The following ZNF184 variants were observed in gnomAD, a reference collection of about 807,000 sequenced individuals.
ZNF184 encodes the protein zinc finger protein 184, also known as zinc finger protein 184 (Kruppel-like).
Under a neutral mutation model 54.4 loss-of-function variants are expected in ZNF184, and 16 were observed. The ratio of observed to expected loss-of-function variants is 0.29; its 90% CI spans 0.20 to 0.45. The LOEUF (loss-of-function observed/expected upper bound fraction) is 0.45. Among genes scored for constraint, ZNF184 ranks in the 20% least tolerant of loss-of-function variants. The probability of loss-of-function intolerance (pLI) is 1.00; values close to 1 mark genes in which losing one functional copy is unlikely to be tolerated. For missense variants in ZNF184, 681 were observed against 888.2 expected, an observed-to-expected ratio of 0.77 and a Z score of 2.97; for synonymous variants, 254 against 295.3, an observed-to-expected ratio of 0.86 and a Z score of 1.43.
At chr6:27,446,284 A>G (rs1316112927), downstream of ZNF184, among the ~76,000 whole-genome samples, 5 of 152,128 alleles carry the variant, frequency 3.3e-5, no homozygotes, top group Non-Finnish European at 2.9e-5. Context: ...GGCCCAAGGC[A>G]CCCTCCATGG....
chr6:27,432,379 T>G, the ZNF184 span, among the ~76,000 whole-genome samples: 1 of 152,210 alleles, frequency 6.6e-6, no homozygotes, highest in Admixed American at 6.5e-5. The surrounding 1 kb of genome is among the most constrained non-coding windows in gnomAD (Gnocchi z 4.0). Context: ...TATACAATCC[T>G]CTTTCTCAGC....
chr6:27,416,782 C>T, the ZNF184 span, among the ~76,000 whole-genome samples: 1 of 152,288 alleles, frequency 6.6e-6, no homozygotes. Flanking sequence ...ATTTACATAG[C>T]ACTTTGGAAT....
downstream of ZNF184, among the ~76,000 whole-genome samples, chr6:27,447,938 A>C (rs1361269944): frequency 1.3e-5 from 2 of 152,196 alleles, no homozygotes; most frequent in Non-Finnish European, 2.9e-5. Flanking sequence ...ATTAATACTC[A>C]GGATAATAGT....
intron 2 of ZNF184, among the ~76,000 whole-genome samples, chr6:27,471,023 T>C (rs749788162): frequency 5.9e-5 from 9 of 152,180 alleles, no homozygotes; most frequent in Non-Finnish European, 7.4e-5. Flanking sequence ...AGACTTCTAA[T>C]GATATTATCT....
At chr6:27,410,275 A>G in the ZNF184 span, among the ~76,000 whole-genome samples, 3 of 152,230 alleles carry the variant, frequency 2.0e-5, no homozygotes, top group African/African-American at 7.2e-5. Flanking sequence ...CACAGGGACC[A>G]GGATTTTACT....
chr6:27,418,871 C>T, the ZNF184 span, among the ~76,000 whole-genome samples: 8 of 151,996 alleles, frequency 5.3e-5, no homozygotes, highest in Non-Finnish European at 1.2e-4. Context: ...TGAGTGTTTT[C>T]AACTTTTAAT....
intron 2 of ZNF184, among the ~76,000 whole-genome samples, chr6:27,470,343 G>T (rs1353081517): frequency 6.6e-6 from 1 of 152,124 alleles, no homozygotes; most frequent in South Asian, 2.1e-4. Context: ...GCAGGTGGGG[G>T]TGATGAATAA....
chr6:27,405,340 A>G, the ZNF184 span: 1 of 152,078 alleles, frequency 6.6e-6, no homozygotes, highest in East Asian at 1.9e-4. Context: ...AAACAGTGAT[A>G]TTGATAATCC....
Position 27,451,356 on chromosome 6 carries a change from A to G in ZNF184, c.2203T>C (p.Phe735Leu). Residue 735 changes from phenylalanine (F) to leucine (L), a missense_variant, in exon 6 of 6, where the codon TTC becomes CTC. Transcript: ENST00000683788. Reference protein sequence around the residue: ...PFGCNDCGKSFRYRSALNKHQ... With the variant: ...PFGCNDCGKSLRYRSALNKHQ... ...TTGTTGAGAGCAGAGCGATATCTGA[A>G]GGATTTTCCACAATCATTACATCCA... 6.2e-7 allele frequency: 1 copy of G among 1,613,862 alleles called. No homozygotes were observed. Among genetic ancestry groups the G allele is most frequent in the Non-Finnish European group, 8.5e-7 (1 of 1,179,858 alleles).
At chr6:27,432,201 G>A in the ZNF184 span, among the ~76,000 whole-genome samples, 6 of 152,040 alleles carry the variant, frequency 3.9e-5, no homozygotes, top group Non-Finnish European at 5.9e-5. This position sits in a 1 kb window ranked among gnomAD's most constrained non-coding sequence, Gnocchi z 4.0. Flanking sequence ...GAAAGCTGTC[G>A]GCAGTCAACT....
At chr6:27,407,380 GTTAGCAGC>G in the ZNF184 span, among the ~76,000 whole-genome samples, 2 of 152,180 alleles carry the variant, frequency 1.3e-5, no homozygotes, top group African/African-American at 4.8e-5. Context: ...TGCCTTCAGA[GTTAGCAGC>G]TTAACTCTTT....
At chr6:27,458,311 A>C (rs1762914492) in intron 3 of ZNF184, among the ~76,000 whole-genome samples, 3 of 150,074 alleles carry the variant, frequency 2.0e-5, no homozygotes, top group Admixed American at 1.3e-4. Context: ...AAAAAAAAAA[A>C]AAAAAAAAAC....
chr6:27,452,958 C>T lies in ZNF184; in HGVS notation c.601G>A (p.Glu201Lys), dbSNP rs781064950. 1 of 1,614,132 alleles carries T rather than the reference C, an allele frequency of 6.2e-7. No individual in the cohort carries two copies. The highest frequency in any genetic ancestry group is 8.5e-7 in the Non-Finnish European group (1 of 1,180,008). ...ATGCTTCTTTTAGTAGAGGTCTCTTCTGGAGATGGTTCTTGTGTTACAAGG... is the reference window on the plus strand; with the variant it reads ...ATGCTTCTTTTAGTAGAGGTCTCTTTTGGAGATGGTTCTTGTGTTACAAGG... ...SNLVTQEPSPEETSTKRSIKQ... is the reference protein window; with the variant it reads ...SNLVTQEPSPKETSTKRSIKQ... Residue 201 changes from glutamate to lysine, a missense_variant, in exon 6 of 6, where the codon GAA becomes AAA. Coordinates refer to ENST00000683788, the MANE Select transcript of ZNF184 (RefSeq NM_001318891.2). This position sits in a 1 kb window ranked among gnomAD's most constrained non-coding sequence, Gnocchi z 5.5.
chr6:27,457,118 A>C (rs1762875592), intron 4 of ZNF184, among the ~76,000 whole-genome samples, 165 bp downstream of exon 4: 1 of 152,018 alleles, frequency 6.6e-6, no homozygotes, highest in Non-Finnish European at 1.5e-5. Context: ...GGTTCAGGAA[A>C]ATTATTATTT....
At chr6:27,424,064 C>T in the ZNF184 span, among the ~76,000 whole-genome samples, 10 of 152,186 alleles carry the variant, frequency 6.6e-5, no homozygotes, top group African/African-American at 2.4e-4. Flanking sequence ...TAAAGTGGCA[C>T]GCCTGGAGTT....
At position 27,453,291 on chromosome 6, in the gene ZNF184, T is replaced by C. The variant is rs780031086; in HGVS notation, c.299-31A>G. On this transcript the variant is annotated intron_variant, in intron 5 of 5. Coordinates refer to ENST00000683788, the MANE Select transcript of ZNF184 (RefSeq NM_001318891.2). This position sits in a 1 kb window ranked among gnomAD's most constrained non-coding sequence, Gnocchi z 4.7. The stretch of plus-strand genomic sequence containing the variant: ...AGAAAAAGAAAATTCCAGTGTTCTC[T>C]GAATAGAGAAAAAATAAACTGCTAT... The C allele has an allele frequency of 6.5e-7, 1 of 1,529,634 alleles. No individual in the cohort carries two copies. The highest frequency in any genetic ancestry group is 2.3e-5 in the Admixed American group (1 of 43,398). 94.8% of individuals were successfully genotyped at this position (1,529,634 alleles called of 1,614,324 possible).
chr6:27,454,016 GAATT>G (rs1312593581), intron 5 of ZNF184, among the ~76,000 whole-genome samples: 1 of 152,096 alleles, frequency 6.6e-6, no homozygotes, highest in Non-Finnish European at 1.5e-5. Context: ...CAGGGTAACA[GAATT>G]AATAAAATAT....
chr6:27,462,114 G>C (rs1308582617), intron 3 of ZNF184, among the ~76,000 whole-genome samples: 1 of 152,148 alleles, frequency 6.6e-6, no homozygotes, highest in East Asian at 1.9e-4. Flanking sequence ...ACTAAATGCT[G>C]TTCTGGGCCC....
chr6:27,425,880 A>G, the ZNF184 span, among the ~76,000 whole-genome samples: 2 of 152,144 alleles, frequency 1.3e-5, no homozygotes, highest in Non-Finnish European at 2.9e-5. Context: ...TGTCTCCCAG[A>G]TCTCACTCTC....
Sources: allele counts gnomAD v4.1 joint callset (sites outside exome capture counted in the v4.1 genomes callset), GRCh38; gene constraint gnomAD v4.1.1; non-coding constraint Gnocchi (gnomAD v3.1); transcripts MANE v1.5; gene names NCBI Gene and HGNC (gene_info 2026-07-23, HGNC 2026-07-21).